The following CALB1 variants were observed in gnomAD, a reference collection of about 807,000 sequenced individuals.
CALB1 encodes the protein calbindin 1.
In CALB1, 16 loss-of-function variants were observed where a neutral mutation model predicts 46.7. The observed-to-expected ratio is 0.34, with a 90% CI of 0.23 to 0.52. The LOEUF (loss-of-function observed/expected upper bound fraction) is 0.52, where lower values mean the gene tolerates loss of function less well. Among genes scored for constraint, CALB1 ranks in the 20% least tolerant of loss-of-function variants. The probability of loss-of-function intolerance (pLI) is 0.95; values close to 1 mark genes in which losing one functional copy is unlikely to be tolerated. For missense variants in CALB1, 224 were observed against 300.3 expected, an observed-to-expected ratio of 0.75 and a Z score of 1.88; for synonymous variants, 90 against 112.8, an observed-to-expected ratio of 0.80 and a Z score of 1.28.
chr8:90,078,499 G>A (rs753835717), intron 2 of CALB1, 52 bp from the exon 3 acceptor site: 1 of 1,009,068 alleles, frequency 9.9e-7, no homozygotes, highest in Admixed American at 2.2e-5. Context: ...TACCAGTTAT[G>A]CTTGTGATGG....
At chr8:90,074,185 G>A (rs1017238784) in intron 3 of CALB1, among the ~76,000 whole-genome samples, 2 of 152,146 alleles carry the variant, frequency 1.3e-5, no homozygotes, top group Non-Finnish European at 2.9e-5. Context: ...TTGGCATTCA[G>A]AAGATGGGGT....
intron 2 of CALB1, among the ~76,000 whole-genome samples, chr8:90,079,441 G>A (rs1202765055): frequency 6.6e-6 from 1 of 151,938 alleles, no homozygotes; most frequent in Non-Finnish European, 1.5e-5. Context: ...ATTACAATTT[G>A]TATTTATCTA....
intron 3 of CALB1, among the ~76,000 whole-genome samples, chr8:90,071,089 T>C (rs953365265): frequency 1.3e-5 from 2 of 152,082 alleles, no homozygotes; most frequent in Non-Finnish European, 2.9e-5. Flanking sequence ...ATCACTTTAA[T>C]TTGGTGATTA....
At chr8:90,082,200 G>GCTCT in intron 1 of CALB1, 98 bp from the exon 2 acceptor site, 1 of 1,032,560 alleles carries the variant, frequency 9.7e-7, no homozygotes, top group Non-Finnish European at 1.5e-6. Flanking sequence ...GACCCGAGAG[G>GCTCT]CTCTCTCTTG....
At chr8:90,069,262 A>T in intron 3 of CALB1, 25 bp from the exon 4 acceptor site, 1 of 1,581,270 alleles carries the variant, frequency 6.3e-7, no homozygotes, top group Non-Finnish European at 8.7e-7. Context: ...AGAAGAGAGA[A>T]ACGTGTTGTA....
In CALB1 at chr8:90,063,093, C is replaced by T; in HGVS notation, c.600+7G>A. Reference sequence around the variant, plus strand: ...AAAAAAGAAAGGAAAAAGTAACAAACTTTTACCTGATCATACAGCTCAAAA... The same window carrying T: ...AAAAAAGAAAGGAAAAAGTAACAAATTTTTACCTGATCATACAGCTCAAAA... On this transcript the variant is annotated splice_region_variant and intron_variant, in intron 9 of 10. Coordinates refer to ENST00000265431, the MANE Select transcript of CALB1 (RefSeq NM_004929.4). 1 of 1,598,014 alleles carries T rather than the reference C, an allele frequency of 6.3e-7. No homozygotes were observed. The highest frequency in any genetic ancestry group is 8.5e-7 in the Non-Finnish European group (1 of 1,170,066).
Position 90,063,162 on chromosome 8 carries a change from A to G in CALB1, c.547-9T>C. On this transcript the variant is annotated splice_polypyrimidine_tract_variant and intron_variant, in intron 8 of 10. Coordinates refer to ENST00000265431, the MANE Select transcript of CALB1 (RefSeq NM_004929.4). ...CCACACATTTTGATTCCCTAAAGAT[A>G]GAGAAGAGAGTAAATGTTAAAATGT... 1.9e-6 allele frequency: 3 copies of G among 1,596,830 alleles called. No homozygotes were observed. Among genetic ancestry groups the G allele is most frequent in the African/African-American group, 1.3e-5 (1 of 74,622 alleles).
At chr8:90,078,260 G>A in intron 3 of CALB1, 113 bp downstream of exon 3, 1 of 643,256 alleles carries the variant, frequency 1.6e-6, no homozygotes, top group Non-Finnish European at 2.7e-6. Context: ...TATTACTTAG[G>A]TAAAATAAAC....
At chr8:90,060,334 A>G (rs1814273964) in intron 10 of CALB1, 48 bp from the exon 11 acceptor site, 1 of 1,102,432 alleles carries the variant, frequency 9.1e-7, no homozygotes, top group African/African-American at 1.5e-5. Flanking sequence ...TATGGAAGTT[A>G]ATTAACCACT....
intron 2 of CALB1, among the ~76,000 whole-genome samples, chr8:90,079,647 C>T (rs562158240): frequency 6.6e-6 from 1 of 152,036 alleles, no homozygotes; most frequent in Non-Finnish European, 1.5e-5. Flanking sequence ...TGTGAAGTTT[C>T]TGACAAGTAT....
At chr8:90,077,094 G>T (rs1385468533) in intron 3 of CALB1, among the ~76,000 whole-genome samples, 1 of 151,924 alleles carries the variant, frequency 6.6e-6, no homozygotes, top group Non-Finnish European at 1.5e-5. Flanking sequence ...TGAATAATTA[G>T]ATTTACCTCA....
intron 2 of CALB1, among the ~76,000 whole-genome samples, chr8:90,078,979 A>G (rs1005912590): frequency 2.0e-5 from 3 of 152,064 alleles, no homozygotes; most frequent in Admixed American, 2.0e-4. Flanking sequence ...AGAGGCATTC[A>G]TCAATTAAAT....
At chr8:90,071,509 G>T (rs931711108) in intron 3 of CALB1, among the ~76,000 whole-genome samples, 1 of 152,052 alleles carries the variant, frequency 6.6e-6, no homozygotes, top group Admixed American at 6.6e-5. Context: ...GTTGAGCCTG[G>T]CCTCTTCTAT....
rs35368479 is a variant in CALB1 at position 90,070,837 on chromosome 8, AGTGTGTGTGTGTGTGT to A, written c.232-1616_232-1601del. Among the ~76,000 whole-genome samples, 20 of 121,748 alleles carry A rather than the reference AGTGTGTGTGTGTGTGT, an allele frequency of 1.6e-4. No homozygotes were observed. The East Asian group carries it at 2.1e-3, about 13-fold the overall frequency. The allele number at this position is 121,748 out of a possible 152,430, so 79.9% of individuals were successfully genotyped here. Reference sequence around the variant, plus strand: ...TACATAAACACATTTGCATCATTGCAGTGTGTGTGTGTGTGTGTGTGTGTGTGTGTGTGTGTGTGTG... The same window carrying A: ...TACATAAACACATTTGCATCATTGCAGTGTGTGTGTGTGTGTGTGTGTGTG... On this transcript the variant is annotated intron_variant, in intron 3 of 10. Coordinates refer to ENST00000265431, the MANE Select transcript of CALB1 (RefSeq NM_004929.4).
intron 2 of CALB1, among the ~76,000 whole-genome samples, chr8:90,079,788 A>T (rs566620652): frequency 6.6e-6 from 1 of 152,010 alleles, no homozygotes; most frequent in African/African-American, 2.4e-5. Flanking sequence ...AATATATTGC[A>T]TTGTTATATT....
intron 10 of CALB1, 21 bp from the exon 11 acceptor site, chr8:90,060,307 A>C (rs1286074389): frequency 2.1e-6 from 3 of 1,400,892 alleles, no homozygotes; most frequent in Non-Finnish European, 3.0e-6. Context: ...TATAAATGGC[A>C]TTGTAATCCA....
intron 3 of CALB1, among the ~76,000 whole-genome samples, chr8:90,072,036 T>C (rs1049109326): frequency 2.0e-5 from 3 of 152,190 alleles, no homozygotes; most frequent in Non-Finnish European, 4.4e-5. Flanking sequence ...CTTAAAAGAA[T>C]TGAGTTATTT....
At chr8:90,076,468 C>A (rs934586748) in intron 3 of CALB1, among the ~76,000 whole-genome samples, 2 of 151,934 alleles carry the variant, frequency 1.3e-5, no homozygotes, top group Non-Finnish European at 2.9e-5. Context: ...TTTAAATTTA[C>A]TTAATTTTCT....
At chr8:90,063,378 C>T (rs767284862) in intron 7 of CALB1, 28 bp downstream of exon 7, 2 of 1,596,098 alleles carry the variant, frequency 1.3e-6, no homozygotes, top group African/African-American at 2.7e-5. Context: ...GATCCACTTA[C>T]AATATTTTTC....
Sources: allele counts gnomAD v4.1 joint callset (sites outside exome capture counted in the v4.1 genomes callset), GRCh38; gene constraint gnomAD v4.1.1; transcripts MANE v1.5; gene names NCBI Gene and HGNC (gene_info 2026-07-23, HGNC 2026-07-21).